Variants in GIGYF2 observed in about 807,000 individuals in gnomAD.
The protein encoded by GIGYF2 is GRB10-interacting GYF protein 2.
In GIGYF2, 25 loss-of-function variants were observed where a neutral mutation model predicts 208.1. The observed-to-expected ratio is 0.12, with a 90% CI of 0.09 to 0.17. GIGYF2 has a LOEUF of 0.17. Ranked by LOEUF, GIGYF2 falls within the 10% of genes least tolerant of loss-of-function variation. The pLI is 1.00. For synonymous variants in GIGYF2, 534 were observed against 543.8 expected, an observed-to-expected ratio of 0.98 and a Z score of 0.25; for missense variants, 1,302 against 1,579.4, an observed-to-expected ratio of 0.82 and a Z score of 2.98.
chr2:232,812,451 C>T lies in GIGYF2; in HGVS notation c.2067C>T (p.Gly689=). 1 of 1,553,026 alleles carries T rather than the reference C, an allele frequency of 6.4e-7. No individual in the cohort carries two copies. Among genetic ancestry groups the T allele is most frequent in the South Asian group, 1.1e-5 (1 of 89,868 alleles). Reference sequence around the variant, plus strand: ...GGTCTGTGTCCGTGCCAGATACTGGCTCTATCTGGGAGCTTCAGCCAACAG... The same window carrying T: ...GGTCTGTGTCCGTGCCAGATACTGGTTCTATCTGGGAGCTTCAGCCAACAG... ...VTRSVSVPDT[G]SIWELQPTAS... is the part of the protein sequence containing the mutation. The change falls in exon 18 of 29, where the codon GGC becomes GGT. Residue 689 remains glycine (G), a synonymous_variant. Coordinates refer to ENST00000373563, the MANE Select transcript of GIGYF2 (RefSeq NM_001103146.3).
At chr2:232,739,372 C>CG (rs1434958578) in intron 3 of GIGYF2, among the ~76,000 whole-genome samples, 2 of 126,566 alleles carry the variant, frequency 1.6e-5, no homozygotes, top group Non-Finnish European at 3.5e-5. Context: ...CCCCCCCCCC[C>CG]CCGCAAAAAA....
intron 2 of GIGYF2, chr2:232,730,176 C>A: frequency 6.7e-7 from 1 of 1,493,566 alleles, no homozygotes; most frequent in Non-Finnish European, 9.3e-7. Flanking sequence ...GCCGGCAGGG[C>A]TTTTCAGGTC....
At position 232,761,406 on chromosome 2, in the gene GIGYF2, C is replaced by T. The variant is rs764690361; in HGVS notation, c.502C>T (p.Arg168Cys). The T allele has an allele frequency of 1.9e-6, 3 of 1,603,304 alleles. No homozygotes were observed. The highest frequency in any genetic ancestry group is 2.6e-6 in the Non-Finnish European group (3 of 1,170,562). The part of the protein sequence containing the change: ...SQSWEERGDR[R>C]FEKPGRKDVG... ...TTTTTTCTTTTCCAGGGGTGACAGA[C>T]GTTTTGAAAAACCAGGACGAAAAGA... The change falls in exon 8 of 29, where the codon CGT becomes TGT. Residue 168 changes from arginine (R) to cysteine (C), a missense_variant. This residue lies in a region of GIGYF2 where 189 missense variants were observed against 257.7 expected (regional missense o/e 0.73). Coordinates refer to ENST00000373563, the MANE Select transcript of GIGYF2 (RefSeq NM_001103146.3).
intron 12 of GIGYF2, among the ~76,000 whole-genome samples, chr2:232,794,459 T>A (rs1301385005): frequency 6.6e-6 from 1 of 152,224 alleles, no homozygotes; most frequent in African/African-American, 2.4e-5. Context: ...GACTGATTGT[T>A]TCTAAGAGGT....
intron 22 of GIGYF2, among the ~76,000 whole-genome samples, chr2:232,835,693 G>T (rs1340552931): frequency 6.6e-6 from 1 of 151,970 alleles, no homozygotes; most frequent in Non-Finnish European, 1.5e-5. Flanking sequence ...TCCTCCCCCC[G>T]ACCATGTTGA....
At chr2:232,724,962 A>G (rs13412034) in intron 2 of GIGYF2, among the ~76,000 whole-genome samples, 28,994 of 152,194 alleles carry the variant, frequency 0.19, 3,002 homozygotes, top group Non-Finnish European at 0.22. Context: ...CCATAATCCT[A>G]CCACTTAGAA....
At position 232,836,328 on chromosome 2, in the gene GIGYF2, ATACATATATATACTTATATATTT is replaced by A. The variant is rs1559160725; in HGVS notation, c.2766+3236_2766+3258del. On this transcript the variant is annotated intron_variant, in intron 22 of 28. Coordinates refer to ENST00000373563, the MANE Select transcript of GIGYF2 (RefSeq NM_001103146.3). ...TATATATATATATATATATATATAT[ATACATATATATACTTATATATTT>A]ATATATATAAATATAAATATATATA... 2.5e-3 allele frequency among the ~76,000 whole-genome samples: 73 copies of A among 29,190 alleles called. 9 individuals carry two copies. The highest frequency in any genetic ancestry group is 7.3e-3 in the African/African-American group (67 of 9,122). The allele number at this position is 29,190 out of a possible 152,430, so 19.1% of individuals were successfully genotyped here. A position where few individuals can be genotyped will look rare whatever the true frequency, so the allele number is the denominator to read the frequency against.
intron 22 of GIGYF2, among the ~76,000 whole-genome samples, chr2:232,834,930 C>T (rs982539841): frequency 4.6e-5 from 7 of 152,220 alleles, no homozygotes; most frequent in South Asian, 2.1e-4. Context: ...CCAGGCTTTT[C>T]GTGTACTTAT....
intron 2 of GIGYF2, among the ~76,000 whole-genome samples, chr2:232,707,855 C>G (rs1022782518): frequency 1.3e-5 from 2 of 152,006 alleles, no homozygotes; most frequent in African/African-American, 4.8e-5. Flanking sequence ...CCAGGCTGGT[C>G]CCGAACTCTT....
At position 232,768,801 on chromosome 2, in the gene GIGYF2, G is replaced by T. The variant is rs727503972; in HGVS notation, c.532+7365G>T. ...TCGATTTTTTGGCCGGGCAATCTTCGCCACAAAAGCACCTAAATAAGAAAT... is the reference window on the plus strand; with the variant it reads ...TCGATTTTTTGGCCGGGCAATCTTCTCCACAAAAGCACCTAAATAAGAAAT... On this transcript the variant is annotated intron_variant, in intron 8 of 28. Transcript: ENST00000373563. 5 of 1,604,218 alleles carry T rather than the reference G, an allele frequency of 3.1e-6. No individual in the cohort carries two copies. The highest frequency in any genetic ancestry group is 1.7e-5 in the Admixed American group (1 of 59,186).
At chr2:232,755,724 C>G (rs1487802903) in intron 5 of GIGYF2, among the ~76,000 whole-genome samples, 2 of 152,164 alleles carry the variant, frequency 1.3e-5, no homozygotes, top group African/African-American at 4.8e-5. Flanking sequence ...ACTTATGATT[C>G]CTGTCATTCT....
At chr2:232,780,272 A>G (rs1302323193) in intron 8 of GIGYF2, among the ~76,000 whole-genome samples, 1 of 152,194 alleles carries the variant, frequency 6.6e-6, no homozygotes, top group Non-Finnish European at 1.5e-5. Context: ...TTTTAATTTA[A>G]TTTAATTTTT....
intron 21 of GIGYF2, among the ~76,000 whole-genome samples, chr2:232,830,157 A>C (rs532430444): frequency 6.6e-6 from 1 of 151,948 alleles, no homozygotes; most frequent in East Asian, 1.9e-4. Context: ...TTTTTACTTT[A>C]TGTTTTTGGA....
At position 232,819,938 on chromosome 2, in the gene GIGYF2, A is replaced by G; in HGVS notation, c.2482A>G (p.Arg828Gly). 6.3e-7 allele frequency: 1 copy of G among 1,593,380 alleles called. No homozygotes were observed. Among genetic ancestry groups the G allele is most frequent in the East Asian group, 2.2e-5 (1 of 44,788 alleles). Residue 828 changes from arginine to glycine, a missense_variant, in exon 21 of 29, where the codon AGA becomes GGA. Arg to Gly is a moderately radical substitution (Grantham distance 125). Coordinates refer to ENST00000373563, the MANE Select transcript of GIGYF2 (RefSeq NM_001103146.3). ...EALRRLEERRREEEERRKQEE... is the reference protein window; with the variant it reads ...EALRRLEERRGEEEERRKQEE... ...TCTTAGAAGACTGGAAGAGAGGAGA[A>G]GAGAAGAGGAAGAAAGGCGGAAGCA...
intron 16 of GIGYF2, 177 bp from the exon 17 acceptor site, chr2:232,811,067 G>A (rs1700719540): frequency 1.7e-6 from 1 of 571,466 alleles, no homozygotes; most frequent in African/African-American, 1.9e-5. Context: ...TTTCTAGAAT[G>A]AAGCATAGAA....
At chr2:232,811,864 A>G (rs898406747) in intron 17 of GIGYF2, among the ~76,000 whole-genome samples, 2 of 152,180 alleles carry the variant, frequency 1.3e-5, no homozygotes, top group Non-Finnish European at 2.9e-5. Flanking sequence ...TTATTGTCTC[A>G]TTAAGCCAAA....
chr2:232,716,767 C>CATTCATTTAAAATAGTTTAAATA (rs1353633685), intron 2 of GIGYF2, among the ~76,000 whole-genome samples: 5 of 152,036 alleles, frequency 3.3e-5, no homozygotes, highest in African/African-American at 1.2e-4. Context: ...TATCGGAAGA[C>CATTCATTTAAAATAGTTTAAATA]ATTCATTTAA....
intron 2 of GIGYF2, chr2:232,729,440 A>G (rs1697351445): frequency 7.4e-6 from 5 of 671,450 alleles, no homozygotes; most frequent in Non-Finnish European, 8.8e-6. Flanking sequence ...TGATAATTAA[A>G]TAACTTGGTT....
chr2:232,723,155 C>G (rs957901050), intron 2 of GIGYF2, among the ~76,000 whole-genome samples: 9 of 152,070 alleles, frequency 5.9e-5, no homozygotes, highest in African/African-American at 1.9e-4. Context: ...TTCAATAAAA[C>G]TCTACATAAC....
Sources: allele counts gnomAD v4.1 joint callset (sites outside exome capture counted in the v4.1 genomes callset), GRCh38; gene constraint gnomAD v4.1.1; regional missense constraint gnomAD v4.1.1; transcripts MANE v1.5; gene names NCBI Gene and HGNC (gene_info 2026-07-23, HGNC 2026-07-21).